Variants in MED15 observed in about 807,000 individuals in gnomAD.
MED15 encodes the protein mediator of RNA polymerase II transcription subunit 15.
A neutral mutation model predicts 118.7 loss-of-function variants in MED15; 41 were observed. The ratio of observed to expected loss-of-function variants is 0.35; its 90% CI spans 0.27 to 0.45. The LOEUF (loss-of-function observed/expected upper bound fraction) is 0.45. Among genes scored for constraint, MED15 ranks in the 20% least tolerant of loss-of-function variants. MED15 has a pLI of 1.00. For missense variants in MED15, 740 were observed against 1,025.5 expected, an observed-to-expected ratio of 0.72 and a Z score of 3.80; for synonymous variants, 436 against 413.9, an observed-to-expected ratio of 1.05 and a Z score of -0.65.
intron 2 of MED15, chr22:20,551,058 G>A (rs2055753559): frequency 8.1e-6 from 4 of 492,850 alleles, no homozygotes; most frequent in Admixed American, 7.1e-5. Context: ...CCCACCCACG[G>A]CTGCCTCTGA....
chr22:20,520,088 A>G (rs2054393001), intron 1 of MED15, among the ~76,000 whole-genome samples: 1 of 152,114 alleles, frequency 6.6e-6, no homozygotes, highest in African/African-American at 2.4e-5. Flanking sequence ...CTGAAGGGGA[A>G]TGAGGGACAT....
intron 1 of MED15, chr22:20,518,857 ATTTG>A (rs1445156014): frequency 1.8e-5 from 8 of 452,430 alleles, no homozygotes; most frequent in East Asian, 7.0e-5. Flanking sequence ...ACATTCATTT[ATTTG>A]TTTGTTTATT....
chr22:20,508,311 T>C (rs1274613871), intron 1 of MED15: 8 of 1,303,622 alleles, frequency 6.1e-6, no homozygotes, highest in Non-Finnish European at 7.1e-6. Context: ...TCGTCGTTTC[T>C]GGAGGAGAGC....
At chr22:20,574,277 G>A (rs950075918) in intron 8 of MED15, 2 of 152,276 alleles carry the variant, frequency 1.3e-5, no homozygotes, top group African/African-American at 2.4e-5. Flanking sequence ...CTCCAGGGAC[G>A]AGACTCGGGC....
At chr22:20,550,589 C>T (rs1396099507) in intron 2 of MED15, among the ~76,000 whole-genome samples, 1 of 152,282 alleles carries the variant, frequency 6.6e-6, no homozygotes, top group Non-Finnish European at 1.5e-5. Flanking sequence ...GGGCACGGAG[C>T]CGGGGCTTTG....
chr22:20,530,395 C>T (rs760255665), intron 1 of MED15, among the ~76,000 whole-genome samples: 4 of 152,152 alleles, frequency 2.6e-5, no homozygotes, highest in Non-Finnish European at 5.9e-5. Context: ...GAACATAAAT[C>T]GGCTGAGAGG....
chr22:20,537,547 C>T lies in MED15; in HGVS notation c.156+343C>T, dbSNP rs367605320. Among the ~76,000 whole-genome samples, 22 of 152,292 alleles carry T rather than the reference C, an allele frequency of 1.4e-4. 1 individual carries two copies. Among genetic ancestry groups the T allele is most frequent in the African/African-American group, 5.3e-4 (22 of 41,558 alleles). ...TGCCGTGAGCAAGAACCTGGTTTGTCCTCAGCCCCTCCTAGGGGTCCTTAC... is the reference window on the plus strand; with the variant it reads ...TGCCGTGAGCAAGAACCTGGTTTGTTCTCAGCCCCTCCTAGGGGTCCTTAC... On this transcript the variant is annotated intron_variant, in intron 2 of 17. Coordinates refer to ENST00000263205, the MANE Select transcript of MED15 (RefSeq NM_001003891.3).
At chr22:20,561,215 G>C (rs1180611508) in intron 5 of MED15, among the ~76,000 whole-genome samples, 1 of 151,628 alleles carries the variant, frequency 6.6e-6, no homozygotes, top group Non-Finnish European at 1.5e-5. Context: ...AAAAGACAAA[G>C]AAGCTTAGAA....
At position 20,583,264 on chromosome 22, in the gene MED15, G is replaced by C; in HGVS notation, c.1672+17G>C. On this transcript the variant is annotated intron_variant, in intron 12 of 17. Coordinates refer to ENST00000263205, the MANE Select transcript of MED15 (RefSeq NM_001003891.3). ...AGAACGAAGGTAGGCTGCAGCCAGG[G>C]CAGGGGCCTGCACCCTGGGGACACC... The C allele has an allele frequency of 6.2e-7, 1 of 1,612,052 alleles. No individual in the cohort carries two copies.
chr22:20,558,262 C>T (rs1447141451), intron 5 of MED15, among the ~76,000 whole-genome samples: 1 of 152,154 alleles, frequency 6.6e-6, no homozygotes, highest in Non-Finnish European at 1.5e-5. Flanking sequence ...CTTCCTGACA[C>T]CTTTCCCAAA....
intron 9 of MED15, chr22:20,582,364 TG>T: frequency 1.7e-6 from 1 of 589,214 alleles, no homozygotes; most frequent in African/African-American, 1.9e-5. Flanking sequence ...TGTGCCCCTG[TG>T]GGTCCCTGGC....
chr22:20,558,037 C>T (rs1164344231), intron 5 of MED15, among the ~76,000 whole-genome samples: 1 of 152,130 alleles, frequency 6.6e-6, no homozygotes, highest in East Asian at 1.9e-4. Flanking sequence ...ACCTGGGAGG[C>T]GGAGCTTGCA....
chr22:20,560,534 A>G (rs2056195018), intron 5 of MED15, among the ~76,000 whole-genome samples: 2 of 152,158 alleles, frequency 1.3e-5, no homozygotes, highest in Admixed American at 1.3e-4. Flanking sequence ...AAGTGCTGGG[A>G]TTACAGGCAT....
At chr22:20,509,598 G>T (rs73156970) in intron 1 of MED15, among the ~76,000 whole-genome samples, 12 of 152,008 alleles carry the variant, frequency 7.9e-5, no homozygotes, top group African/African-American at 2.7e-4. Flanking sequence ...GGGGTGTGGG[G>T]TGAAGCATTG....
intron 5 of MED15, among the ~76,000 whole-genome samples, chr22:20,555,570 G>A (rs868790680): frequency 6.6e-6 from 1 of 152,246 alleles, no homozygotes; most frequent in African/African-American, 2.4e-5. Flanking sequence ...CATGGGTGTG[G>A]CTTGCAGCCA....
At chr22:20,553,879 A>T (rs2055884762) in intron 4 of MED15, among the ~76,000 whole-genome samples, 1 of 152,238 alleles carries the variant, frequency 6.6e-6, no homozygotes, top group African/African-American at 2.4e-5. Context: ...TCAAAAAAAA[A>T]GTTTAGAAAT....
At chr22:20,525,973 T>C (rs902942679) in intron 1 of MED15, among the ~76,000 whole-genome samples, 1 of 151,972 alleles carries the variant, frequency 6.6e-6, no homozygotes, top group Non-Finnish European at 1.5e-5. Flanking sequence ...CAGGCTGTAG[T>C]GTAGTGGCAC....
In MED15 at chr22:20,583,142, G is replaced by C; in HGVS notation, c.1567G>C (p.Gly523Arg). The change falls in exon 12 of 18, where the codon GGC (glycine) becomes CGC (arginine). Residue 523 changes from glycine to arginine, a missense_variant. This residue lies in a region of MED15 where 384 missense variants were observed against 506.3 expected (regional missense o/e 0.76). Coordinates refer to ENST00000263205, the MANE Select transcript of MED15 (RefSeq NM_001003891.3). Reference sequence around the variant, plus strand: ...CCCCAGCTCTGTCATGAGCCCAGCTGGCTCCAGCCAGGCTGAGGAGCAGCA... The same window carrying C: ...CCCCAGCTCTGTCATGAGCCCAGCTCGCTCCAGCCAGGCTGAGGAGCAGCA... ...VNPSSVMSPA[G>R]SSQAEEQQYL... 6.2e-7 allele frequency: 1 copy of C among 1,605,678 alleles called. No homozygotes were observed. The highest frequency in any genetic ancestry group is 8.5e-7 in the Non-Finnish European group (1 of 1,176,142).
intron 13 of MED15, 172 bp downstream of exon 13, chr22:20,583,565 T>C: frequency 8.1e-6 from 6 of 745,016 alleles, no homozygotes; most frequent in Non-Finnish European, 1.3e-5. Flanking sequence ...AAGCCCAGGC[T>C]TCATCTTGGC....
Sources: gnomAD v4.1 joint callset for allele counts (sites outside exome capture counted in the v4.1 genomes callset) on GRCh38, gnomAD v4.1.1 for gene constraint, gnomAD v4.1.1 regional missense constraint, MANE v1.5 for transcripts, NCBI Gene and HGNC (gene_info 2026-07-23, HGNC 2026-07-21) for gene names.